Variants in PCDHA13 observed in about 807,000 individuals in gnomAD.
PCDHA13 encodes protocadherin alpha 13.
In PCDHA13, 54 loss-of-function variants were observed where a neutral mutation model predicts 64.8. The observed-to-expected ratio is 0.83, with a 90% CI of 0.67 to 1.04. The LOEUF is 1.04. Among genes scored for constraint, PCDHA13 ranks in the 50% least tolerant of loss-of-function variants. PCDHA13 has a pLI of 0.00. For missense variants in PCDHA13, 1,248 were observed against 1,254.3 expected, an observed-to-expected ratio of 0.99 and a Z score of 0.08; for synonymous variants, 587 against 564.4, an observed-to-expected ratio of 1.04 and a Z score of -0.57.
chr5:140,884,967 G>A (rs895578956), intron 1 of PCDHA13, among the ~76,000 whole-genome samples: 2 of 152,134 alleles, frequency 1.3e-5, no homozygotes, highest in African/African-American at 4.8e-5. Context: ...CTCACGTTGT[G>A]AGAACTTAAA....
intron 1 of PCDHA13, chr5:140,926,553 A>T: frequency 4.3e-6 from 1 of 233,838 alleles, no homozygotes; most frequent in East Asian, 9.1e-5. Context: ...TCGAGACCCC[A>T]GCCCGCTGCT....
At chr5:140,956,784 G>T (rs549737881) in intron 1 of PCDHA13, among the ~76,000 whole-genome samples, 373 of 152,090 alleles carry the variant, frequency 2.5e-3, no homozygotes, top group Non-Finnish European at 3.7e-3. Flanking sequence ...CCTGGGCTTT[G>T]TTTGCTTGGT....
At chr5:140,887,101 CTT>C (rs200717289) in intron 1 of PCDHA13, among the ~76,000 whole-genome samples, 4 of 145,262 alleles carry the variant, frequency 2.8e-5, no homozygotes, top group African/African-American at 5.0e-5. Flanking sequence ...ATCTTTATCT[CTT>C]TTTTTTTTTT....
chr5:140,892,772 C>G (rs1053940130), intron 1 of PCDHA13, among the ~76,000 whole-genome samples: 1 of 152,144 alleles, frequency 6.6e-6, no homozygotes, highest in African/African-American at 2.4e-5. Context: ...ACTCTTCTAG[C>G]TTCTTGAAAA....
At chr5:140,895,080 C>T (rs537991545) in intron 1 of PCDHA13, among the ~76,000 whole-genome samples, 11 of 152,246 alleles carry the variant, frequency 7.2e-5, no homozygotes, top group Admixed American at 1.3e-4. Context: ...CTATCAGTTC[C>T]TCCTCAGTAT....
At chr5:140,985,086 T>C (rs564487119) in intron 3 of PCDHA13, among the ~76,000 whole-genome samples, 1 of 152,000 alleles carries the variant, frequency 6.6e-6, no homozygotes, top group Non-Finnish European at 1.5e-5. Context: ...TACAGGCGTG[T>C]GCCACCAAGC....
intron 1 of PCDHA13, chr5:140,926,614 C>G: frequency 2.6e-6 from 1 of 377,760 alleles, no homozygotes; most frequent in Non-Finnish European, 4.6e-6. Flanking sequence ...TCTCTGCACC[C>G]CTAGGCGGCG....
chr5:140,930,196 T>A (rs1554207641), intron 1 of PCDHA13: 3 of 152,226 alleles, frequency 2.0e-5, no homozygotes, highest in African/African-American at 7.2e-5. Context: ...AATTTTTATG[T>A]CAGAAATATT....
intron 3 of PCDHA13, among the ~76,000 whole-genome samples, chr5:140,986,372 G>C (rs570215048): frequency 2.1e-4 from 32 of 152,248 alleles, no homozygotes; most frequent in Admixed American, 5.2e-4. Context: ...ATGCGTTTTG[G>C]GGGGAGGGAC....
chr5:140,998,987 G>A (rs1381033392), intron 3 of PCDHA13, among the ~76,000 whole-genome samples: 1 of 152,234 alleles, frequency 6.6e-6, no homozygotes. Context: ...ATAGTAGAAA[G>A]CAGAATGCTG....
At chr5:140,967,730 G>A (rs2096176474) in intron 1 of PCDHA13, 1 of 1,614,146 alleles carries the variant, frequency 6.2e-7, no homozygotes, top group Non-Finnish European at 8.5e-7. Context: ...AGTAATTGGG[G>A]GGCTGGATTA....
In PCDHA13 at chr5:140,883,058, C is replaced by T. The variant is rs782098362; in HGVS notation, c.790C>T (p.Leu264=). 6.2e-7 allele frequency: 1 copy of T among 1,614,074 alleles called. No individual in the cohort carries two copies. Among genetic ancestry groups the T allele is most frequent in the Admixed American group, 1.7e-5 (1 of 60,012 alleles). The part of the protein sequence containing the change: ...NAFNGTLVIK[L]NATDPDDGTN... ...CTTCAATGGAACATTAGTGATCAAG[C>T]TAAATGCCACAGATCCTGATGATGG... Residue 264 remains leucine (L), a synonymous_variant, in exon 1 of 4, where the codon CTA becomes TTA. Transcript: ENST00000289272.
At chr5:140,924,064 G>T (rs1584331926) in intron 1 of PCDHA13, among the ~76,000 whole-genome samples, 1 of 152,172 alleles carries the variant, frequency 6.6e-6, no homozygotes. Context: ...CTTTACAGTT[G>T]TATTTCATCT....
At chr5:140,967,954 C>T in intron 1 of PCDHA13, 1 of 1,614,208 alleles carries the variant, frequency 6.2e-7, no homozygotes, top group Non-Finnish European at 8.5e-7. Flanking sequence ...ACTCAGGCCC[C>T]AACCGGAAAG....
chr5:140,927,137 A>G, intron 1 of PCDHA13: 2 of 1,614,052 alleles, frequency 1.2e-6, no homozygotes, highest in South Asian at 2.2e-5. Context: ...GAGCCGGCGG[A>G]CCGCGAACAG....
At chr5:140,924,175 A>G (rs1179259744) in intron 1 of PCDHA13, among the ~76,000 whole-genome samples, 4 of 152,244 alleles carry the variant, frequency 2.6e-5, no homozygotes, top group Non-Finnish European at 5.9e-5. Context: ...CTGGCACTGA[A>G]GCAGAAAATT....
At position 140,931,063 on chromosome 5, in the gene PCDHA13, A is replaced by C. The variant is rs1584700470; in HGVS notation, c.2394+46401A>C. Among the ~76,000 whole-genome samples, 4 of 152,202 alleles carry C rather than the reference A, an allele frequency of 2.6e-5. No individual in the cohort carries two copies. In the South Asian group the frequency reaches 8.3e-4, roughly 31 times the overall value. On this transcript the variant is annotated intron_variant, in intron 1 of 3. Coordinates refer to ENST00000289272, the MANE Select transcript of PCDHA13 (RefSeq NM_018904.3). ...GAAAAACTTCAATGCTGTGTCTGGGACTAAGTATGAGTCCAGTTCTACAGA... is the reference window on the plus strand; with the variant it reads ...GAAAAACTTCAATGCTGTGTCTGGGCCTAAGTATGAGTCCAGTTCTACAGA...
At chr5:140,938,187 C>T (rs1584944424) in intron 1 of PCDHA13, among the ~76,000 whole-genome samples, 1 of 152,158 alleles carries the variant, frequency 6.6e-6, no homozygotes, top group Admixed American at 6.5e-5. Context: ...CTCAAGCAAT[C>T]CTCCCACGCC....
intron 1 of PCDHA13, among the ~76,000 whole-genome samples, chr5:140,950,215 T>C (rs2094460409): frequency 6.6e-6 from 1 of 152,030 alleles, no homozygotes; most frequent in Non-Finnish European, 1.5e-5. Flanking sequence ...TACCTAGTCA[T>C]TTACCATTTC....
Sources: allele counts gnomAD v4.1 joint callset (sites outside exome capture counted in the v4.1 genomes callset), GRCh38; gene constraint gnomAD v4.1.1; transcripts MANE v1.5; gene names NCBI Gene and HGNC (gene_info 2026-07-23, HGNC 2026-07-21).